The following DEPDC5 variants were observed in gnomAD, a reference collection of about 807,000 sequenced individuals.
DEPDC5 encodes DEP domain containing 5, GATOR1 subcomplex subunit, also known as GATOR1 complex protein DEPDC5.
Under a neutral mutation model 217.3 loss-of-function variants are expected in DEPDC5, and 73 were observed. The ratio of observed to expected loss-of-function variants is 0.34; its 90% CI spans 0.28 to 0.41. The LOEUF is 0.41. DEPDC5 is among the 10% of genes least tolerant of loss of function. DEPDC5 has a pLI of 1.00. For synonymous variants in DEPDC5, 733 were observed against 756.7 expected, an observed-to-expected ratio of 0.97 and a Z score of 0.51; for missense variants, 1,675 against 2,070.1, an observed-to-expected ratio of 0.81 and a Z score of 3.70.
rs1602010347 is a variant in DEPDC5 at position 31,806,127 on chromosome 22, A to G, written c.1223A>G (p.Tyr408Cys). 6.2e-7 allele frequency: 1 copy of G among 1,613,290 alleles called. No homozygotes were observed. The highest frequency in any genetic ancestry group is 8.5e-7 in the Non-Finnish European group (1 of 1,179,490). ...TCTGTTTGTTTCTTTTACAGTTTCT[A>G]CACATCCAAAAGCCAGCTCTTTTGT... ...NIPHWINHSF[Y>C]TSKSQLFCNS... is the part of the protein sequence containing the mutation. Residue 408 changes from tyrosine to cysteine, a missense_variant, in exon 18 of 43, where the codon TAC becomes TGC. Physicochemically the swap from Tyr to Cys is radical, Grantham distance 194. Coordinates refer to ENST00000651528, the MANE Select transcript of DEPDC5 (RefSeq NM_001242896.3).
rs1226656025 is a variant in DEPDC5, at chr22:31,819,026, C to T, written c.1671C>T (p.Val557=). The change falls in exon 22 of 43, where the codon GTC becomes GTT. Residue 557 remains valine (V), a synonymous_variant. Coordinates refer to ENST00000651528, the MANE Select transcript of DEPDC5 (RefSeq NM_001242896.3). The part of the protein sequence containing the change: ...SSLGYTSTRD[V]LENMMEPPQR... ...CAACTCCATGATAACTGGCAGATGT[C>T]CTGGAGAACATGATGGAGCCACCAC... 1.2e-6 allele frequency: 2 copies of T among 1,613,998 alleles called. No individual in the cohort carries two copies. The highest frequency in any genetic ancestry group is 2.7e-5 in the African/African-American group (2 of 74,902).
chr22:31,754,596 G>A (rs1246812057), intron 1 of DEPDC5, among the ~76,000 whole-genome samples: 2 of 152,262 alleles, frequency 1.3e-5, no homozygotes, highest in African/African-American at 2.4e-5. Context: ...CACCCATTCA[G>A]CGCAATGCTT....
Position 31,906,551 on chromosome 22 carries a change from CG to C in DEPDC5, c.*58del. ...GTGGGTGAGCCACTGCCCTCAAACC[CG>C]GGGCGGAGGATTCCAGGCAGGCTCT... is the stretch of plus-strand genomic sequence containing the variant. On this transcript the variant is annotated 3_prime_UTR_variant, in exon 43 of 43. Transcript: ENST00000651528. The surrounding 1 kb of genome is among the most constrained non-coding windows in gnomAD (Gnocchi z 5.1). 6.3e-7 allele frequency: 1 copy of C among 1,590,998 alleles called. No individual in the cohort carries two copies. The highest frequency in any genetic ancestry group is 1.1e-5 in the South Asian group (1 of 88,010).
chr22:31,811,322 G>A (rs1324060514), intron 20 of DEPDC5, among the ~76,000 whole-genome samples: 5 of 151,434 alleles, frequency 3.3e-5, no homozygotes, highest in Admixed American at 3.3e-4. Flanking sequence ...CTCCTGCCTC[G>A]GCCTCCCTAA....
At chr22:31,755,657 A>G (rs2075262646) in intron 2 of DEPDC5, 1 of 151,362 alleles carries the variant, frequency 6.6e-6, no homozygotes, top group African/African-American at 2.4e-5. Context: ...TTCCACCTCA[A>G]CCTCAACCTC....
At chr22:31,767,380 C>T (rs752164381) in intron 6 of DEPDC5, among the ~76,000 whole-genome samples, 2 of 152,052 alleles carry the variant, frequency 1.3e-5, no homozygotes, top group African/African-American at 2.4e-5. Context: ...ACCACAACCT[C>T]GGCCTTCCTG....
chr22:31,761,192 A>G (rs1386114439), intron 4 of DEPDC5, among the ~76,000 whole-genome samples: 1 of 152,092 alleles, frequency 6.6e-6, no homozygotes, highest in Non-Finnish European at 1.5e-5. Flanking sequence ...CGTGTTAGCC[A>G]GGATGGTCTC....
rs780935993 is a variant in DEPDC5, at chr22:31,768,910, C to A, written c.413+47C>A. On this transcript the variant is annotated intron_variant, in intron 7 of 42. Coordinates refer to ENST00000651528, the MANE Select transcript of DEPDC5 (RefSeq NM_001242896.3). ...CCTTATCTGTGCAGTAACTGGGCTA[C>A]ATAAAGCAGTGGAGGCGTATGGATG... 4 of 1,605,374 alleles carry A rather than the reference C, an allele frequency of 2.5e-6. No individual in the cohort carries two copies. The South Asian group carries it at 4.4e-5, about 18-fold the overall frequency.
chr22:31,835,448 A>G (rs1018377053), intron 25 of DEPDC5, among the ~76,000 whole-genome samples: 1 of 152,198 alleles, frequency 6.6e-6, no homozygotes, highest in African/African-American at 2.4e-5. Context: ...TAAACTTACA[A>G]TCAGGATCCT....
intron 23 of DEPDC5, among the ~76,000 whole-genome samples, chr22:31,822,410 T>C (rs2089780155): frequency 6.6e-6 from 1 of 150,544 alleles, no homozygotes; most frequent in African/African-American, 2.5e-5. Flanking sequence ...GCATAGGGCA[T>C]AGGGAGGCAT....
chr22:31,822,655 C>A, intron 23 of DEPDC5, 38 bp from the exon 24 acceptor site: 2 of 1,603,130 alleles, frequency 1.2e-6, no homozygotes, highest in Non-Finnish European at 1.7e-6. Flanking sequence ...AGGTGATGAT[C>A]TACATTAAGC....
At chr22:31,758,493 A>G (rs1025951753) in intron 2 of DEPDC5, 53 bp from the exon 3 acceptor site, 4 of 1,514,770 alleles carry the variant, frequency 2.6e-6, no homozygotes, top group Non-Finnish European at 2.8e-6. Flanking sequence ...ATGAGAACAT[A>G]CAGTGTACCT....
intron 20 of DEPDC5, chr22:31,814,668 C>T: frequency 3.1e-6 from 1 of 320,662 alleles, no homozygotes; most frequent in Non-Finnish European, 5.9e-6. Context: ...TCCCACATCA[C>T]ATCATACCTC....
intron 10 of DEPDC5, among the ~76,000 whole-genome samples, chr22:31,788,264 ATTTTTT>A (rs75378797): frequency 1.1e-5 from 1 of 90,702 alleles, no homozygotes. Context: ...GGATGACTGT[ATTTTTT>A]TTTTTTTTTT....
chr22:31,867,072 C>T (rs143081667), intron 33 of DEPDC5, among the ~76,000 whole-genome samples: 2,199 of 152,206 alleles, frequency 0.014, 19 homozygotes, highest in Middle Eastern at 0.031. Flanking sequence ...GTCCTTTTTT[C>T]GGACAAGGTT....
intron 24 of DEPDC5, among the ~76,000 whole-genome samples, chr22:31,826,035 C>T (rs1048945580): frequency 4.0e-5 from 6 of 151,704 alleles, no homozygotes; most frequent in South Asian, 2.1e-4. Flanking sequence ...GAGGAAGAGA[C>T]TCACTCTGTC....
chr22:31,816,251 AT>A (rs1215266944), intron 21 of DEPDC5: 1 of 151,812 alleles, frequency 6.6e-6, no homozygotes, highest in Non-Finnish European at 1.5e-5. Flanking sequence ...GTGAGCCGAG[AT>A]TCCACCACTG....
At chr22:31,845,505 C>G (rs913135097) in intron 30 of DEPDC5, among the ~76,000 whole-genome samples, 1 of 152,178 alleles carries the variant, frequency 6.6e-6, no homozygotes, top group African/African-American at 2.4e-5. Flanking sequence ...CCAAGTGGGA[C>G]CCTATGTTGA....
intron 31 of DEPDC5, among the ~76,000 whole-genome samples, chr22:31,849,301 A>G (rs2091904566): frequency 6.6e-6 from 1 of 152,220 alleles, no homozygotes; most frequent in African/African-American, 2.4e-5. Flanking sequence ...TATGCTACTA[A>G]TAAAGACATA....
Sources: gnomAD v4.1 joint callset for allele counts (sites outside exome capture counted in the v4.1 genomes callset) on GRCh38, gnomAD v4.1.1 for gene constraint, Gnocchi (gnomAD v3.1) non-coding constraint, MANE v1.5 for transcripts, NCBI Gene and HGNC (gene_info 2026-07-23, HGNC 2026-07-21) for gene names.